Variants in GABARAPL2 observed in about 807,000 individuals in gnomAD.
GABARAPL2 encodes gamma-aminobutyric acid receptor-associated protein-like 2.
GABARAPL2 carries 11 observed loss-of-function variants against 16.9 expected under a neutral mutation model. That is an observed-to-expected ratio of 0.65 (90% CI 0.41 to 1.08). The LOEUF is 1.08. Among genes scored for constraint, GABARAPL2 ranks in the 50% least tolerant of loss-of-function variants. GABARAPL2 has a pLI of 0.00. For missense variants in GABARAPL2, 134 were observed against 142.5 expected (o/e 0.94, Z 0.30); for synonymous variants, 57 against 50.7 (o/e 1.12, Z -0.53).
rs2080886548 is a variant in GABARAPL2, at chr16:75,566,841, T to C, written c.35-11T>C. ...AGGCGCGGCCGTCAGCCCCGTTTGT[T>C]TCTCCCACAGAACACAGATGCGTGG... On this transcript the variant is annotated splice_polypyrimidine_tract_variant and intron_variant, in intron 1 of 3. Coordinates refer to ENST00000037243, the MANE Select transcript of GABARAPL2 (RefSeq NM_007285.7). The C allele has an allele frequency of 4.3e-6, 7 of 1,612,658 alleles. No homozygotes were observed. Among genetic ancestry groups the C allele is most frequent in the Middle Eastern group, 1.6e-4 (1 of 6,062 alleles).
In GABARAPL2 at chr16:75,566,511, C is replaced by A. The variant is rs1309250011; in HGVS notation, c.25C>A (p.His9Asn). 6 of 1,608,934 alleles carry A rather than the reference C, an allele frequency of 3.7e-6. No homozygotes were observed. The highest frequency in any genetic ancestry group is 4.2e-6 in the Non-Finnish European group (5 of 1,178,306). The change falls in exon 1 of 4, where the codon CAC becomes AAC. Residue 9 changes from histidine (H) to asparagine (N), a missense_variant. Physicochemically the swap from His to Asn is moderately conservative, Grantham distance 68. Coordinates refer to ENST00000037243, the MANE Select transcript of GABARAPL2 (RefSeq NM_007285.7). ...CATGAAGTGGATGTTCAAGGAGGAC[C>A]ACTCGCTGGGTAAGCACTTGGTCGT... MKWMFKED[H>N]SLEHRCVESA...
At chr16:75,566,951 G>A in intron 2 of GABARAPL2, 44 bp downstream of exon 2, 5 of 1,507,398 alleles carry the variant, frequency 3.3e-6, no homozygotes, top group East Asian at 2.3e-5. Flanking sequence ...CACCTCTGTC[G>A]TCTGGGACCC....
Position 75,568,138 on chromosome 16 carries a change from C to T in GABARAPL2, c.192C>T (p.Ile64=). The T allele has an allele frequency of 6.2e-7, 1 of 1,612,438 alleles. No individual in the cohort carries two copies. Among genetic ancestry groups the T allele is most frequent in the African/African-American group, 1.3e-5 (1 of 75,024 alleles). Reference sequence around the variant, plus strand: ...CTGTGGCTCAGTTCATGTGGATCATCAGGAAAAGGATCCAGCTTCCTTCTG... The same window carrying T: ...CTGTGGCTCAGTTCATGTGGATCATTAGGAAAAGGATCCAGCTTCCTTCTG... ...DITVAQFMWI[I]RKRIQLPSEK... The change falls in exon 3 of 4, where the codon ATC becomes ATT. Residue 64 remains isoleucine, a synonymous_variant. Coordinates refer to ENST00000037243, the MANE Select transcript of GABARAPL2 (RefSeq NM_007285.7).
rs566786371 is a variant in GABARAPL2, at chr16:75,570,095, C to T, written c.263+1886C>T. On this transcript the variant is annotated intron_variant, in intron 3 of 3. Transcript: ENST00000037243. ...ACTGTTTATTTTGGGGTTTTATTCT[C>T]AGAAGTAATTTTTTTTTTGAGACAG... 2.0e-5 allele frequency among the ~76,000 whole-genome samples: 3 copies of T among 152,082 alleles called. No homozygotes were observed. The South Asian group carries it at 6.2e-4, about 32-fold the overall frequency.
chr16:75,571,776 A>G (rs566726255), intron 3 of GABARAPL2, among the ~76,000 whole-genome samples: 3 of 150,680 alleles, frequency 2.0e-5, no homozygotes, highest in Admixed American at 6.6e-5. Context: ...TCCCAGCTTC[A>G]AGCGATTCTC....
In GABARAPL2 at chr16:75,574,849, A is replaced by C. The variant is rs149944960; in HGVS notation, c.264-2430A>C. Among the ~76,000 whole-genome samples, 6 of 39,988 alleles carry C rather than the reference A, an allele frequency of 1.5e-4. No individual in the cohort carries two copies. The East Asian group carries it at 0.015, about 102-fold the overall frequency. 26.2% of individuals were successfully genotyped at this position (39,988 alleles called of 152,430 possible). A position where few individuals can be genotyped will look rare whatever the true frequency, so the allele number is the denominator to read the frequency against. ...AGACCAGCCTGGCCAACATGGTGAA[A>C]TCCCACCTCTACTAAAAACAAAAAC... On this transcript the variant is annotated intron_variant, in intron 3 of 3. Coordinates refer to ENST00000037243, the MANE Select transcript of GABARAPL2 (RefSeq NM_007285.7).
intron 3 of GABARAPL2, chr16:75,572,562 T>C (rs2080922027): frequency 1.3e-5 from 2 of 152,356 alleles, no homozygotes; most frequent in African/African-American, 4.8e-5. Flanking sequence ...TTGAGTCACA[T>C]GGCCATTCCT....
intron 3 of GABARAPL2, among the ~76,000 whole-genome samples, chr16:75,568,872 G>A (rs1245341127): frequency 2.6e-5 from 4 of 152,174 alleles, no homozygotes; most frequent in Non-Finnish European, 5.9e-5. Flanking sequence ...CCCAGCTTTA[G>A]TCCCCTGTGG....
At position 75,566,470 on chromosome 16, in the gene GABARAPL2, C is replaced by A. The variant is rs553555649; in HGVS notation, c.-17C>A. On this transcript the variant is annotated 5_prime_UTR_variant, in exon 1 of 4. Transcript: ENST00000037243. ...CGCGGCTCCGCGAGCCGGTTCCGTC[C>A]CCTTCCCGCCGCCGCCATGAAGTGG... is the stretch of plus-strand genomic sequence containing the variant. The A allele has an allele frequency of 2.5e-6, 4 of 1,600,616 alleles. No individual in the cohort carries two copies. In the South Asian group the frequency reaches 4.4e-5, roughly 18 times the overall value.
At chr16:75,574,386 T>C (rs543861338) in intron 3 of GABARAPL2, among the ~76,000 whole-genome samples, 1 of 152,360 alleles carries the variant, frequency 6.6e-6, no homozygotes, top group East Asian at 1.9e-4. Flanking sequence ...CAATGTCTGC[T>C]ACTGCATCTA....
intron 3 of GABARAPL2, among the ~76,000 whole-genome samples, chr16:75,574,201 C>T (rs2080933288): frequency 6.6e-6 from 1 of 152,180 alleles, no homozygotes; most frequent in African/African-American, 2.4e-5. Flanking sequence ...GGATAGCATA[C>T]ACAGGCCCGG....
At chr16:75,567,008 T>A (rs898982776) in intron 2 of GABARAPL2, 101 bp downstream of exon 2, 1 of 1,044,740 alleles carries the variant, frequency 9.6e-7, no homozygotes, top group African/African-American at 1.6e-5. Context: ...GAGGTTCCAG[T>A]CCCAGTTACA....
chr16:75,573,041 C>T (rs942594877), intron 3 of GABARAPL2, among the ~76,000 whole-genome samples: 1 of 152,210 alleles, frequency 6.6e-6, no homozygotes, highest in South Asian at 2.1e-4. Flanking sequence ...TTAGAGCTGC[C>T]TCTGTGCTGC....
intron 3 of GABARAPL2, among the ~76,000 whole-genome samples, chr16:75,569,790 C>T (rs573859989): frequency 1.3e-5 from 2 of 152,306 alleles, no homozygotes; most frequent in African/African-American, 2.4e-5. Flanking sequence ...CCCCCGTTAT[C>T]CCTGAGATAG....
intron 2 of GABARAPL2, 83 bp from the exon 3 acceptor site, chr16:75,567,954 A>T: frequency 1.9e-6 from 2 of 1,058,376 alleles, no homozygotes; most frequent in Non-Finnish European, 2.8e-6. Context: ...CCTTGCCCAC[A>T]CTCTGTTCAT....
chr16:75,571,739 C>T (rs748849615), intron 3 of GABARAPL2, among the ~76,000 whole-genome samples: 2 of 151,112 alleles, frequency 1.3e-5, no homozygotes, highest in East Asian at 2.0e-4. Flanking sequence ...GGCAGTGGCG[C>T]GATCTCAGCT....
At chr16:75,571,475 C>G (rs939546937) in intron 3 of GABARAPL2, among the ~76,000 whole-genome samples, 1 of 152,184 alleles carries the variant, frequency 6.6e-6, no homozygotes, top group Non-Finnish European at 1.5e-5. Flanking sequence ...CCTTTCCATT[C>G]TGCTGAGAAT....
chr16:75,569,229 T>C (rs2080901466), intron 3 of GABARAPL2, among the ~76,000 whole-genome samples: 1 of 152,242 alleles, frequency 6.6e-6, no homozygotes, highest in Non-Finnish European at 1.5e-5. Context: ...TGATTTCCTC[T>C]TTCCCAGTGT....
intron 2 of GABARAPL2, among the ~76,000 whole-genome samples, chr16:75,567,291 T>C (rs1017714721): frequency 6.6e-6 from 1 of 152,206 alleles, no homozygotes; most frequent in African/African-American, 2.4e-5. Context: ...TTTTACTTTG[T>C]CTCCATCTTT....
Sources: gnomAD v4.1 joint callset for allele counts (sites outside exome capture counted in the v4.1 genomes callset) on GRCh38, gnomAD v4.1.1 for gene constraint, MANE v1.5 for transcripts, NCBI Gene and HGNC (gene_info 2026-07-23, HGNC 2026-07-21) for gene names.